Variants in PTPRA observed in about 807,000 individuals in gnomAD.
PTPRA encodes receptor-type tyrosine-protein phosphatase alpha.
A neutral mutation model predicts 104.8 loss-of-function variants in PTPRA; 25 were observed. That is an observed-to-expected ratio of 0.24 (90% confidence interval 0.17 to 0.33). The LOEUF is 0.33. Among genes scored for constraint, PTPRA ranks in the 10% least tolerant of loss-of-function variants. The pLI is 1.00. For missense variants in PTPRA, 765 were observed against 1,015.3 expected, an observed-to-expected ratio of 0.75 and a Z score of 3.35; for synonymous variants, 323 against 368.9, an observed-to-expected ratio of 0.88 and a Z score of 1.43.
chr20:2,935,840 C>G (rs960848755), intron 2 of PTPRA, among the ~76,000 whole-genome samples: 1 of 152,122 alleles, frequency 6.6e-6, no homozygotes, highest in Non-Finnish European at 1.5e-5. Flanking sequence ...CATGGTAAAA[C>G]CCCATCTCTA....
chr20:2,987,342 C>G (rs2062951975), intron 7 of PTPRA, among the ~76,000 whole-genome samples: 1 of 151,894 alleles, frequency 6.6e-6, no homozygotes. Context: ...TACAGGATCC[C>G]TCTTTCTAAC....
At chr20:2,982,452 G>A (rs1228989303) in intron 6 of PTPRA, among the ~76,000 whole-genome samples, 1 of 150,900 alleles carries the variant, frequency 6.6e-6, no homozygotes, top group Non-Finnish European at 1.5e-5. Context: ...ATTTTTTTTT[G>A]TTCTTTGGCT....
chr20:2,866,795 A>T, the PTPRA span: 4 of 626,202 alleles, frequency 6.4e-6, no homozygotes, highest in Non-Finnish European at 1.1e-5. Context: ...TCCTCCAGAC[A>T]CCACAGCAAA....
At chr20:3,003,402 A>G (rs2063722952) in intron 9 of PTPRA, among the ~76,000 whole-genome samples, 1 of 152,184 alleles carries the variant, frequency 6.6e-6, no homozygotes. Flanking sequence ...AAAGATTTTT[A>G]TTTCCTAAGG....
chr20:2,926,442 T>C (rs1343688837), intron 2 of PTPRA, among the ~76,000 whole-genome samples: 1 of 152,198 alleles, frequency 6.6e-6, no homozygotes, highest in Non-Finnish European at 1.5e-5. Flanking sequence ...CTGTCTCTTG[T>C]GTCCAAATTT....
chr20:3,034,228 G>A (rs1173412255), intron 20 of PTPRA, among the ~76,000 whole-genome samples: 1 of 152,064 alleles, frequency 6.6e-6, no homozygotes, highest in Admixed American at 6.6e-5. Flanking sequence ...TCAAGATCAT[G>A]CCACTGCACT....
intron 3 of PTPRA, among the ~76,000 whole-genome samples, chr20:2,958,844 C>CAA (rs528139524): frequency 2.1e-4 from 10 of 46,856 alleles, no homozygotes; most frequent in Admixed American, 2.4e-4. Context: ...GAGACTGTAT[C>CAA]AAAAAAAAAA....
chr20:3,005,200 G>A, intron 10 of PTPRA, 54 bp downstream of exon 10: 1 of 1,489,260 alleles, frequency 6.7e-7, no homozygotes, highest in South Asian at 1.1e-5. Flanking sequence ...TCTCTGGAGG[G>A]ATTTTCTGAA....
intron 1 of PTPRA, among the ~76,000 whole-genome samples, chr20:2,893,225 A>T (rs1311105146): frequency 3.3e-5 from 5 of 152,242 alleles, no homozygotes; most frequent in African/African-American, 9.6e-5. Flanking sequence ...TGTAGTAGGA[A>T]TGAGAGATTT....
the PTPRA span, chr20:2,864,936 C>G: frequency 6.2e-7 from 1 of 1,612,662 alleles, no homozygotes; most frequent in Non-Finnish European, 8.5e-7. This position sits in a 1 kb window ranked among gnomAD's most constrained non-coding sequence, Gnocchi z 5.2. Context: ...GGGCGAGGGT[C>G]CTGCATGCTG....
intron 2 of PTPRA, among the ~76,000 whole-genome samples, chr20:2,940,677 CAGAG>C (rs1268873703): frequency 6.6e-6 from 1 of 152,040 alleles, no homozygotes; most frequent in Middle Eastern, 3.4e-3. Flanking sequence ...CCTCCTGTCT[CAGAG>C]AGAAAAAGAG....
chr20:2,992,553 C>T (rs6076453), intron 9 of PTPRA, among the ~76,000 whole-genome samples: 52,874 of 151,948 alleles, frequency 0.35, 10,286 homozygotes, highest in East Asian at 0.68. Context: ...CCCTAGTTTA[C>T]GATGGGGAGT....
intron 13 of PTPRA, among the ~76,000 whole-genome samples, chr20:3,019,946 C>T (rs6051533): frequency 0.53 from 79,131 of 150,608 alleles, 21,024 homozygotes; most frequent in East Asian, 0.8. Flanking sequence ...TGGCGGCGCG[C>T]GCCTGCAATC....
rs186965817 is a variant in PTPRA at position 3,006,805 on chromosome 20, A to G, written c.830-539A>G. Among the ~76,000 whole-genome samples the G allele has an allele frequency of 1.0e-3, 154 of 152,090 alleles. 2 individuals carry two copies. Among genetic ancestry groups the G allele is most frequent in the African/African-American group, 3.5e-3 (144 of 41,512 alleles). On this transcript the variant is annotated intron_variant, in intron 10 of 23. Transcript: ENST00000399903. The stretch of plus-strand genomic sequence containing the variant: ...TGCCACCACACCCAGCTAATTTTGT[A>G]TTTTTAGTAGAGACGGAGTTTCACC...
chr20:2,952,506 C>T (rs748544436), intron 3 of PTPRA, among the ~76,000 whole-genome samples: 7 of 151,974 alleles, frequency 4.6e-5, no homozygotes, highest in Admixed American at 1.3e-4. Context: ...TTTTCCCAGC[C>T]TGTGATTTAG....
intron 20 of PTPRA, 45 bp downstream of exon 20, chr20:3,027,886 A>T (rs747981162): frequency 1.2e-6 from 2 of 1,606,850 alleles, no homozygotes; most frequent in South Asian, 2.2e-5. Context: ...AGACAGCATG[A>T]AAAGATGTGT....
chr20:2,877,785 A>G (rs989346430), intron 1 of PTPRA, among the ~76,000 whole-genome samples: 2 of 152,258 alleles, frequency 1.3e-5, no homozygotes, highest in Non-Finnish European at 2.9e-5. Context: ...AGCAGTCAGT[A>G]CATATAGAAT....
intron 3 of PTPRA, among the ~76,000 whole-genome samples, chr20:2,956,661 A>AAAATAAATAAAT (rs3055404): frequency 2.7e-5 from 4 of 150,342 alleles, no homozygotes; most frequent in Admixed American, 1.3e-4. Context: ...TCAGTAAATA[A>AAAATAAATAAAT]AAATAAATAA....
In PTPRA at chr20:2,924,081, T is replaced by C. The variant is rs539882408; in HGVS notation, c.-50+796T>C. Among the ~76,000 whole-genome samples the C allele has an allele frequency of 2.7e-4, 41 of 152,300 alleles. No individual in the cohort carries two copies. The South Asian group carries it at 8.5e-3, about 32-fold the overall frequency. On this transcript the variant is annotated intron_variant, in intron 2 of 23. Coordinates refer to ENST00000399903, the MANE Select transcript of PTPRA (RefSeq NM_001385305.1). ...CTTTATGTATTATAGCCAGAAAAACTGTAACCCAATCAGGTGTCCAAAAAC... is the reference window on the plus strand; with the variant it reads ...CTTTATGTATTATAGCCAGAAAAACCGTAACCCAATCAGGTGTCCAAAAAC...
Sources: allele counts gnomAD v4.1 joint callset (sites outside exome capture counted in the v4.1 genomes callset), GRCh38; gene constraint gnomAD v4.1.1; non-coding constraint Gnocchi (gnomAD v3.1); transcripts MANE v1.5; gene names NCBI Gene and HGNC (gene_info 2026-07-23, HGNC 2026-07-21).